Variants in TFEB observed in about 807,000 individuals in gnomAD.
TFEB encodes the protein transcription factor EB.
Under a neutral mutation model 48.0 loss-of-function variants are expected in TFEB, and 12 were observed. The observed-to-expected ratio is 0.25, with a 90% CI of 0.16 to 0.40. TFEB has a LOEUF of 0.40. Among genes scored for constraint, TFEB ranks in the 10% least tolerant of loss-of-function variants. TFEB has a pLI of 1.00. For synonymous variants in TFEB, 244 were observed against 261.4 expected (o/e 0.93, Z 0.64); for missense variants, 509 against 640.3 (o/e 0.79, Z 2.21).
intron 1 of TFEB, among the ~76,000 whole-genome samples, chr6:41,712,051 C>A (rs1444300846): frequency 6.6e-6 from 1 of 152,170 alleles, no homozygotes; most frequent in Admixed American, 6.5e-5. Context: ...CCCGGCCATA[C>A]CTCACCTCAA....
In TFEB at chr6:41,684,571, CT is replaced by C. The variant is rs1768885052; in HGVS notation, c.*27del. ...GCCCTCCCAGCCCCCAGGCCGGCCC[CT>C]GTTCCCTGGCACAGGGGCAGCCAGG... On this transcript the variant is annotated 3_prime_UTR_variant, in exon 9 of 9. Coordinates refer to ENST00000373033, the MANE Select transcript of TFEB (RefSeq NM_001271944.2). 2 of 1,526,140 alleles carry C rather than the reference CT, an allele frequency of 1.3e-6. No homozygotes were observed. The highest frequency in any genetic ancestry group is 1.8e-6 in the Non-Finnish European group (2 of 1,138,648). The allele number at this position is 1,526,140 out of a possible 1,614,324, so 94.5% of individuals were successfully genotyped here. A position where few individuals can be genotyped will look rare whatever the true frequency, so the allele number is the denominator to read the frequency against.
At chr6:41,735,036 C>G in intron 1 of TFEB, 4 of 985,346 alleles carry the variant, frequency 4.1e-6, no homozygotes, top group Non-Finnish European at 4.8e-6. Flanking sequence ...AGCTCCGGGC[C>G]GGGAAGGCCC....
Position 41,686,395 on chromosome 6 carries a change from G to A in TFEB, c.804-158C>T, listed in dbSNP as rs780453290. 5.9e-6 allele frequency: 5 copies of A among 850,518 alleles called. No individual in the cohort carries two copies. The East Asian group carries it at 1.3e-4, about 23-fold the overall frequency. 52.7% of individuals were successfully genotyped at this position (850,518 alleles called of 1,614,324 possible). On this transcript the variant is annotated intron_variant, in intron 7 of 8. Coordinates refer to ENST00000373033, the MANE Select transcript of TFEB (RefSeq NM_001271944.2). ...TGGCTGATCTCAGTTTGCACAGAAT[G>A]GGCCCTCCTGGTGACTTCTGTTGCC... is the stretch of plus-strand genomic sequence containing the variant.
In TFEB at chr6:41,684,578, C is replaced by T. The variant is rs1489159234; in HGVS notation, c.*21G>A. The T allele has an allele frequency of 1.3e-6, 2 of 1,529,138 alleles. No individual in the cohort carries two copies. Among genetic ancestry groups the T allele is most frequent in the Non-Finnish European group, 1.8e-6 (2 of 1,139,912 alleles). 94.7% of individuals were successfully genotyped at this position (1,529,138 alleles called of 1,614,324 possible). A position where few individuals can be genotyped will look rare whatever the true frequency, so the allele number is the denominator to read the frequency against. On this transcript the variant is annotated 3_prime_UTR_variant, in exon 9 of 9. Coordinates refer to ENST00000373033, the MANE Select transcript of TFEB (RefSeq NM_001271944.2). ...CAGCCCCCAGGCCGGCCCCTGTTCC[C>T]TGGCACAGGGGCAGCCAGGGTCACA...
intron 1 of TFEB, among the ~76,000 whole-genome samples, chr6:41,711,254 T>A (rs1037212311): frequency 6.6e-6 from 1 of 152,244 alleles, no homozygotes; most frequent in Non-Finnish European, 1.5e-5. Context: ...CCTCTCTGGT[T>A]TTCTCAGCTG....
At chr6:41,736,131 T>C (rs553367355), upstream of TFEB, 1 of 1,612,880 alleles carries the variant, frequency 6.2e-7, no homozygotes, top group South Asian at 1.1e-5. Context: ...GGTTCTACAT[T>C]CACGCCCCAC....
upstream of TFEB, chr6:41,736,008 G>C: frequency 9.0e-7 from 1 of 1,111,712 alleles, no homozygotes; most frequent in South Asian, 1.3e-5. Flanking sequence ...TAGGGTGCAG[G>C]ACCTGGATCT....
At chr6:41,706,274 G>C (rs1014363835) in intron 1 of TFEB, among the ~76,000 whole-genome samples, 5 of 152,206 alleles carry the variant, frequency 3.3e-5, no homozygotes, top group African/African-American at 1.2e-4. Flanking sequence ...GAGGTGGGGG[G>C]CAGAAGGGGG....
chr6:41,684,666 G>A lies in TFEB; in HGVS notation c.1364C>T (p.Ser455Phe), dbSNP rs757820612. The change falls in exon 9 of 9, where the codon TCC becomes TTC. Residue 455 changes from serine (S) to phenylalanine (F), a missense_variant. Transcript: ENST00000373033. ...GCTGCTGGCCTTGGAGGCCTCGGGG[G>A]ACATGGTGGACAGAAGTGGATCAGA... ...LASDPLLSTMSPEASKASSRR... is the reference protein window; with the variant it reads ...LASDPLLSTMFPEASKASSRR... 1.2e-5 allele frequency: 19 copies of A among 1,612,900 alleles called. No individual in the cohort carries two copies. Among genetic ancestry groups the A allele is most frequent in the Non-Finnish European group, 1.6e-5 (19 of 1,179,568 alleles).
At chr6:41,736,218 A>C (rs1481232014), upstream of TFEB, 1 of 1,611,156 alleles carries the variant, frequency 6.2e-7, no homozygotes, top group East Asian at 2.2e-5. Context: ...CCCTTGTTGG[A>C]AGTTCACAGG....
chr6:41,732,509 T>A (rs1478318060), intron 1 of TFEB: 1 of 874,640 alleles, frequency 1.1e-6, no homozygotes, highest in Non-Finnish European at 1.4e-6. Flanking sequence ...TAATATAATC[T>A]TGTTTTATTG....
Position 41,734,798 on chromosome 6 carries a change from C to T in TFEB, c.-23+552G>A, listed in dbSNP as rs972207816. The T allele has an allele frequency of 3.5e-5, 27 of 780,492 alleles. No homozygotes were observed. The highest frequency in any genetic ancestry group is 4.0e-5 in the Non-Finnish European group (26 of 642,678). 48.3% of individuals were successfully genotyped at this position (780,492 alleles called of 1,614,324 possible). On this transcript the variant is annotated intron_variant, in intron 1 of 8. Transcript: ENST00000373033. The surrounding 1 kb of genome is among the most constrained non-coding windows in gnomAD (Gnocchi z 4.0). ...AAGGGAGGGAGAGATGGTACTTCCA[C>T]CCGCCCCCCCATCAGCCCAGCCCCC...
In TFEB at chr6:41,702,275, T is replaced by C. The variant is rs1769973239; in HGVS notation, c.-22-11040A>G. Among the ~76,000 whole-genome samples the C allele has an allele frequency of 2.6e-5, 4 of 151,900 alleles. No homozygotes were observed. In the South Asian group the frequency reaches 8.3e-4, roughly 31 times the overall value. On this transcript the variant is annotated intron_variant, in intron 1 of 8. Transcript: ENST00000373033. Reference sequence around the variant, plus strand: ...GCCAAGACATCCATGCCCAGGAGGCTCAGAGGGTGACAAATCTGAATCTCG... The same window carrying C: ...GCCAAGACATCCATGCCCAGGAGGCCCAGAGGGTGACAAATCTGAATCTCG...
At chr6:41,702,487 G>A (rs1443762775) in intron 1 of TFEB, among the ~76,000 whole-genome samples, 1 of 152,098 alleles carries the variant, frequency 6.6e-6, no homozygotes, top group Non-Finnish European at 1.5e-5. Context: ...ACAGGAAAGG[G>A]GCCTGAGGGC....
chr6:41,712,951 G>A (rs1216921795), intron 1 of TFEB, among the ~76,000 whole-genome samples: 1 of 152,214 alleles, frequency 6.6e-6, no homozygotes, highest in African/African-American at 2.4e-5. Flanking sequence ...ACTGGGAAAT[G>A]GGGACTCCTG....
intron 1 of TFEB, among the ~76,000 whole-genome samples, chr6:41,717,035 C>T (rs1345722406): frequency 6.6e-6 from 1 of 152,220 alleles, no homozygotes; most frequent in Non-Finnish European, 1.5e-5. Context: ...TGGGAACTCC[C>T]TGCTCCAGGC....
intron 1 of TFEB, among the ~76,000 whole-genome samples, chr6:41,716,881 C>G (rs1385074418): frequency 6.6e-6 from 1 of 152,202 alleles, no homozygotes; most frequent in Non-Finnish European, 1.5e-5. Context: ...TCCCCCACAG[C>G]TAGCAGAGGA....
chr6:41,717,707 C>A (rs1293517390), intron 1 of TFEB, among the ~76,000 whole-genome samples: 1 of 152,130 alleles, frequency 6.6e-6, no homozygotes, highest in East Asian at 1.9e-4. Context: ...AGGTAAGGAG[C>A]TCTCAGGAGG....
rs1771108672 is a variant in TFEB at position 41,724,132 on chromosome 6, A to G, written c.-23+11218T>C. 6.6e-6 allele frequency among the ~76,000 whole-genome samples: 1 copy of G among 152,134 alleles called. No homozygotes were observed. The highest frequency in any genetic ancestry group is 1.5e-5 in the Non-Finnish European group (1 of 68,018). On this transcript the variant is annotated intron_variant, in intron 1 of 8. Transcript: ENST00000373033. This position sits in a 1 kb window ranked among gnomAD's most constrained non-coding sequence, Gnocchi z 4.4. ...TCCGGGAAGATCCACACCACCGCAC[A>G]CTTTTCACTTGTGCAGAAACTGTTC...
Sources: gnomAD v4.1 joint callset for allele counts (sites outside exome capture counted in the v4.1 genomes callset) on GRCh38, gnomAD v4.1.1 for gene constraint, Gnocchi (gnomAD v3.1) non-coding constraint, MANE v1.5 for transcripts, NCBI Gene and HGNC (gene_info 2026-07-23, HGNC 2026-07-21) for gene names.